IFT52: variants seen among roughly 807,000 people sequenced by gnomAD.
The protein encoded by IFT52 is intraflagellar transport protein 52 homolog.
Under a neutral mutation model 54.4 loss-of-function variants are expected in IFT52, and 44 were observed. That is an observed-to-expected ratio of 0.81 (90% confidence interval 0.63 to 1.04). The LOEUF is 1.04. Among genes scored for constraint, IFT52 ranks in the 50% least tolerant of loss-of-function variants. The probability of loss-of-function intolerance (pLI) is 0.00; values close to 1 mark genes in which losing one functional copy is unlikely to be tolerated. For missense variants in IFT52, 452 were observed against 523.6 expected, an observed-to-expected ratio of 0.86 and a Z score of 1.33; for synonymous variants, 181 against 185.3, an observed-to-expected ratio of 0.98 and a Z score of 0.19.
At chr20:43,617,740 A>C (rs1285362213) in intron 7 of IFT52, among the ~76,000 whole-genome samples, 1 of 151,836 alleles carries the variant, frequency 6.6e-6, no homozygotes, top group Non-Finnish European at 1.5e-5. Context: ...CACTGCGCCC[A>C]GCCTTGCCTT....
intron 10 of IFT52, among the ~76,000 whole-genome samples, chr20:43,626,721 G>A (rs1264060084): frequency 6.6e-6 from 1 of 151,396 alleles, no homozygotes; most frequent in African/African-American, 2.4e-5. Flanking sequence ...CTTACCTTTG[G>A]TGGATTCTTA....
At chr20:43,615,792 C>T (rs1168422417) in intron 7 of IFT52, among the ~76,000 whole-genome samples, 1 of 152,092 alleles carries the variant, frequency 6.6e-6, no homozygotes, top group Non-Finnish European at 1.5e-5. Context: ...CAAAAATTAG[C>T]TGGGCGTGGT....
chr20:43,625,562 A>G (rs941903087), intron 10 of IFT52, among the ~76,000 whole-genome samples: 1 of 152,082 alleles, frequency 6.6e-6, no homozygotes. Context: ...ATATTTGAGG[A>G]AAAACCTGAA....
intron 3 of IFT52, among the ~76,000 whole-genome samples, chr20:43,599,164 G>C (rs1982229392): frequency 6.6e-6 from 1 of 152,190 alleles, no homozygotes; most frequent in African/African-American, 2.4e-5. Flanking sequence ...TGTACACACA[G>C]AGGGCAGTGG....
In IFT52 at chr20:43,594,716, G is replaced by C; in HGVS notation, c.18G>C (p.Arg6=). The C allele has an allele frequency of 6.2e-7, 1 of 1,601,916 alleles. No homozygotes were observed. Among genetic ancestry groups the C allele is most frequent in the East Asian group, 2.2e-5 (1 of 44,806 alleles). Residue 6 remains arginine, a synonymous_variant, in exon 2 of 14, where the codon CGG becomes CGC. Transcript: ENST00000373030. ...AGGTAACCATGGAGAAAGAGCTGCG[G>C]AGCACCATTCTTTTCAATGCCTACA... MEKEL[R]STILFNAYKK... is the part of the protein sequence containing the mutation.
rs754370105 is a variant in IFT52 at position 43,605,074 on chromosome 20, G to A, written c.485+1G>A. On this transcript the variant is annotated splice_donor_variant, in intron 6 of 13. Coordinates refer to ENST00000373030, the MANE Select transcript of IFT52 (RefSeq NM_016004.5). LOFTEE classifies it high-confidence loss of function. ...AGGAAAGCAGTGGAAACAATGCCCAGTGAGTGTGTTTTCTGATGCCACATG... is the reference window on the plus strand; with the variant it reads ...AGGAAAGCAGTGGAAACAATGCCCAATGAGTGTGTTTTCTGATGCCACATG... The A allele has an allele frequency of 1.2e-6, 2 of 1,613,318 alleles. No homozygotes were observed. Among genetic ancestry groups the A allele is most frequent in the South Asian group, 1.1e-5 (1 of 90,872 alleles).
At chr20:43,637,971 A>C (rs1985657446) in intron 12 of IFT52, among the ~76,000 whole-genome samples, 1 of 152,172 alleles carries the variant, frequency 6.6e-6, no homozygotes, top group Admixed American at 6.6e-5. Context: ...TCTGAGAGAG[A>C]GCCAAGTGTG....
intron 6 of IFT52, among the ~76,000 whole-genome samples, chr20:43,607,926 C>G (rs1377006077): frequency 6.6e-6 from 1 of 152,224 alleles, no homozygotes; most frequent in Non-Finnish European, 1.5e-5. Context: ...TGGGGGATCA[C>G]TCGCGGTTAG....
Position 43,600,629 on chromosome 20 carries a change from G to A in IFT52, c.208-3131G>A, listed in dbSNP as rs569818536. The stretch of plus-strand genomic sequence containing the variant: ...GTTTACATGGTAGTTGGGTACCTCC[G>A]AATTCAGTATATGTTAAATCGTGCA... On this transcript the variant is annotated intron_variant, in intron 3 of 13. Transcript: ENST00000373030. 3.3e-5 allele frequency among the ~76,000 whole-genome samples: 5 copies of A among 152,166 alleles called. No individual in the cohort carries two copies. In the South Asian group the frequency reaches 1.0e-3, roughly 32 times the overall value.
intron 6 of IFT52, among the ~76,000 whole-genome samples, chr20:43,606,230 A>C (rs1982867109): frequency 6.6e-6 from 1 of 152,044 alleles, no homozygotes; most frequent in Non-Finnish European, 1.5e-5. Context: ...AAAAAAAAAA[A>C]AATTATATTT....
chr20:43,617,846 A>G (rs1208245428), intron 7 of IFT52, among the ~76,000 whole-genome samples: 5 of 152,010 alleles, frequency 3.3e-5, no homozygotes, highest in East Asian at 1.9e-4. Flanking sequence ...GGTTCAAGCA[A>G]TCCTCCCGCC....
intron 3 of IFT52, among the ~76,000 whole-genome samples, chr20:43,599,850 C>G (rs558084247): frequency 1.3e-5 from 2 of 152,128 alleles, no homozygotes; most frequent in African/African-American, 4.8e-5. Flanking sequence ...CAGGTAACCA[C>G]GTGGCTGAGA....
Position 43,637,138 on chromosome 20 carries a change from C to T in IFT52, c.1012-7C>T. ...CATTTCTAAATAATGACTTTATTTC[C>T]TTTTAGGTTTTTCCTCCCAGTTTCC... is the stretch of plus-strand genomic sequence containing the variant. On this transcript the variant is annotated splice_polypyrimidine_tract_variant and splice_region_variant and intron_variant, in intron 11 of 13. Coordinates refer to ENST00000373030, the MANE Select transcript of IFT52 (RefSeq NM_016004.5). 1 of 1,575,686 alleles carries T rather than the reference C, an allele frequency of 6.3e-7. No individual in the cohort carries two copies. The highest frequency in any genetic ancestry group is 8.7e-7 in the Non-Finnish European group (1 of 1,145,940).
At chr20:43,615,860 T>G (rs1289234227) in intron 7 of IFT52, among the ~76,000 whole-genome samples, 1 of 152,134 alleles carries the variant, frequency 6.6e-6, no homozygotes, top group Non-Finnish European at 1.5e-5. Context: ...GAGAATCGCT[T>G]GAACCCAGGA....
At chr20:43,600,376 C>T (rs1198530261) in intron 3 of IFT52, among the ~76,000 whole-genome samples, 1 of 151,494 alleles carries the variant, frequency 6.6e-6, no homozygotes, top group East Asian at 1.9e-4. Context: ...GTGATCTCAG[C>T]TCACTGCAAG....
chr20:43,612,255 G>A (rs1983510844), intron 6 of IFT52, among the ~76,000 whole-genome samples: 1 of 152,086 alleles, frequency 6.6e-6, no homozygotes, highest in African/African-American at 2.4e-5. Flanking sequence ...ATCATGGGCT[G>A]TAATCCACCT....
At chr20:43,611,953 C>T (rs1179648760) in intron 6 of IFT52, among the ~76,000 whole-genome samples, 1 of 151,840 alleles carries the variant, frequency 6.6e-6, no homozygotes, top group African/African-American at 2.4e-5. Context: ...TTGCCTGAAC[C>T]CAGGAGGCAG....
At position 43,606,494 on chromosome 20, in the gene IFT52, G is replaced by GA. The variant is rs533294159; in HGVS notation, c.485+1423dup. 8.2e-4 allele frequency among the ~76,000 whole-genome samples: 125 copies of GA among 151,892 alleles called. 1 individual carries two copies. The highest frequency in any genetic ancestry group is 2.8e-3 in the African/African-American group (116 of 41,496). On this transcript the variant is annotated intron_variant, in intron 6 of 13. Coordinates refer to ENST00000373030, the MANE Select transcript of IFT52 (RefSeq NM_016004.5). ...TCACCATGTTGGTCAGGCTGGTCTT[G>GA]AACTCCTGACCTCAGGTGATCCACC...
intron 1 of IFT52, among the ~76,000 whole-genome samples, chr20:43,593,602 G>C (rs374084043): frequency 1.1e-4 from 17 of 152,238 alleles, no homozygotes; most frequent in Middle Eastern, 3.4e-3. Flanking sequence ...GGGTCTTGCT[G>C]TGTTCTCCAG....
Sources: allele counts gnomAD v4.1 joint callset (sites outside exome capture counted in the v4.1 genomes callset), GRCh38; gene constraint gnomAD v4.1.1; transcripts MANE v1.5; gene names NCBI Gene and HGNC (gene_info 2026-07-23, HGNC 2026-07-21).